The following CHGA variants were observed in gnomAD, a reference collection of about 807,000 sequenced individuals.
The protein encoded by CHGA is chromogranin-A.
In CHGA, 41 loss-of-function variants were observed where a neutral mutation model predicts 54.4. That is an observed-to-expected ratio of 0.75 (90% CI 0.59 to 0.98). CHGA has a LOEUF of 0.98. CHGA is among the 50% of genes least tolerant of loss of function. The pLI is 0.00. For missense variants in CHGA, 576 were observed against 582.3 expected, an observed-to-expected ratio of 0.99 and a Z score of 0.11; for synonymous variants, 249 against 232.8, an observed-to-expected ratio of 1.07 and a Z score of -0.63.
chr14:92,933,020 C>A (rs1177684128), intron 7 of CHGA, 169 bp downstream of exon 7: 1 of 1,025,096 alleles, frequency 9.8e-7, no homozygotes, highest in East Asian at 2.7e-5. Flanking sequence ...AACACCCCAG[C>A]TCACAGGGGG....
intron 2 of CHGA, chr14:92,926,301 T>G (rs1886885109): frequency 5.3e-6 from 2 of 378,876 alleles, no homozygotes; most frequent in Non-Finnish European, 9.7e-6. Context: ...CACTTGGGGA[T>G]GAGAAGGTAC....
intron 7 of CHGA, among the ~76,000 whole-genome samples, chr14:92,934,309 G>A (rs1887072870): frequency 6.6e-6 from 1 of 152,198 alleles, no homozygotes; most frequent in Non-Finnish European, 1.5e-5. Flanking sequence ...TCAAAGCCCA[G>A]CCCTAGGCAG....
At chr14:92,924,169 G>A in intron 1 of CHGA, 30 bp from the exon 2 acceptor site, 5 of 1,607,472 alleles carry the variant, frequency 3.1e-6, no homozygotes, top group Admixed American at 1.7e-5. Flanking sequence ...GAGCAGAGGA[G>A]TGACCCCAGC....
intron 2 of CHGA, among the ~76,000 whole-genome samples, chr14:92,925,175 T>C (rs939468581): frequency 7.2e-5 from 11 of 152,038 alleles, no homozygotes; most frequent in African/African-American, 2.7e-4. Context: ...TGAGGGGAGG[T>C]GTAAAGAGTA....
Position 92,932,149 on chromosome 14 carries a change from C to CT in CHGA, c.809-220dup. 1 of 557,960 alleles carries CT rather than the reference C, an allele frequency of 1.8e-6. No individual in the cohort carries two copies. The highest frequency in any genetic ancestry group is 3.0e-6 in the Non-Finnish European group (1 of 330,748). The allele number at this position is 557,960 out of a possible 1,614,324, so 34.6% of individuals were successfully genotyped here. A position where few individuals can be genotyped will look rare whatever the true frequency, so the allele number is the denominator to read the frequency against. ...TCCTCACTCTCCAGCTGCCGGGCTT[C>CT]TGGGGTGAGGATGAGGGGAAGAGGC... On this transcript the variant is annotated intron_variant, in intron 6 of 7. Transcript: ENST00000216492. The surrounding 1 kb of genome is among the most constrained non-coding windows in gnomAD (Gnocchi z 5.3).
Position 92,932,246 on chromosome 14 carries a change from C to T in CHGA, c.809-124C>T. On this transcript the variant is annotated intron_variant, in intron 6 of 7. Coordinates refer to ENST00000216492, the MANE Select transcript of CHGA (RefSeq NM_001275.4). This position sits in a 1 kb window ranked among gnomAD's most constrained non-coding sequence, Gnocchi z 5.3. ...CCTGGCATCAAGAAGGTTTTTCCCG[C>T]TAAGCGTCATCACTGTGGAGAGGCT... 2 of 1,354,066 alleles carry T rather than the reference C, an allele frequency of 1.5e-6. No individual in the cohort carries two copies. Among genetic ancestry groups the T allele is most frequent in the Non-Finnish European group, 2.0e-6 (2 of 1,021,260 alleles). 83.9% of individuals were successfully genotyped at this position (1,354,066 alleles called of 1,614,324 possible).
At chr14:92,931,784 T>G in intron 6 of CHGA, 82 bp downstream of exon 6, 1 of 1,348,654 alleles carries the variant, frequency 7.4e-7, no homozygotes, top group African/African-American at 1.5e-5. Context: ...ATAACCTCAT[T>G]CCACCTTCAT....
At position 92,926,587 on chromosome 14, in the gene CHGA, C is replaced by G. The variant is rs746809505; in HGVS notation, c.94-18C>G. 6.2e-7 allele frequency: 1 copy of G among 1,612,544 alleles called. No individual in the cohort carries two copies. Among genetic ancestry groups the G allele is most frequent in the Non-Finnish European group, 8.5e-7 (1 of 1,178,828 alleles). On this transcript the variant is annotated intron_variant, in intron 2 of 7. Transcript: ENST00000216492. ...ATGCTCAAACCAGCCCCAACCTGCC[C>G]CTGCACTGTGTTCCCAGGTGATGAA...
intron 5 of CHGA, among the ~76,000 whole-genome samples, chr14:92,930,833 G>A (rs1014752865): frequency 1.3e-5 from 2 of 152,210 alleles, no homozygotes; most frequent in Non-Finnish European, 2.9e-5. Flanking sequence ...AAATATTGCA[G>A]AATTGAGCCC....
At chr14:92,927,953 G>A (rs753753989) in intron 4 of CHGA, among the ~76,000 whole-genome samples, 4 of 152,296 alleles carry the variant, frequency 2.6e-5, no homozygotes, top group Non-Finnish European at 4.4e-5. Context: ...TGATATTCAA[G>A]CCAAGCCTGG....
intron 2 of CHGA, chr14:92,925,972 T>G (rs1417440015): frequency 6.6e-6 from 1 of 152,314 alleles, no homozygotes. Context: ...GGCGTGGCTG[T>G]GGTTGACCTG....
rs1402187287 is a variant in CHGA at position 92,932,476 on chromosome 14, G to A, written c.915G>A (p.Glu305=). ...AGGAGCACTCCCAGCAGAAAGAGGA[G>A]GAGGAGGAGATGGCAGTGGTCCCGC... ...GEQEHSQQKE[E]EEEMAVVPQG... Residue 305 remains glutamate (E), a synonymous_variant, in exon 7 of 8, where the codon GAG becomes GAA. Transcript: ENST00000216492. This position sits in a 1 kb window ranked among gnomAD's most constrained non-coding sequence, Gnocchi z 5.3. The A allele has an allele frequency of 3.9e-6, 6 of 1,556,570 alleles. No individual in the cohort carries two copies. In the South Asian group the frequency reaches 7.1e-5, roughly 18 times the overall value.
intron 4 of CHGA, among the ~76,000 whole-genome samples, chr14:92,929,260 C>T (rs1437839895): frequency 6.6e-6 from 1 of 152,218 alleles, no homozygotes; most frequent in Non-Finnish European, 1.5e-5. Flanking sequence ...CAAGAGCTGT[C>T]ACCATTACTG....
At position 92,934,985 on chromosome 14, in the gene CHGA, G is replaced by T; in HGVS notation, c.*101G>T. On this transcript the variant is annotated 3_prime_UTR_variant, in exon 8 of 8. Transcript: ENST00000216492. ...GATGGCCCGGATGCTGCTTCCGGTAGGGAGGCAGCCTCCAGCCTGCCCAAG... is the reference window on the plus strand; with the variant it reads ...GATGGCCCGGATGCTGCTTCCGGTATGGAGGCAGCCTCCAGCCTGCCCAAG... 9.8e-7 allele frequency: 1 copy of T among 1,022,594 alleles called. No individual in the cohort carries two copies. The highest frequency in any genetic ancestry group is 1.8e-5 in the South Asian group (1 of 55,090). 63.3% of individuals were successfully genotyped at this position (1,022,594 alleles called of 1,614,324 possible).
intron 2 of CHGA, 92 bp from the exon 3 acceptor site, chr14:92,926,513 C>A: frequency 9.7e-7 from 1 of 1,028,088 alleles, no homozygotes; most frequent in East Asian, 2.4e-5. Context: ...AGCAAATACC[C>A]TCTGTCCTCA....
rs556504400 is a variant in CHGA, at chr14:92,927,266, C to T, written c.188-284C>T. On this transcript the variant is annotated intron_variant, in intron 3 of 7. Coordinates refer to ENST00000216492, the MANE Select transcript of CHGA (RefSeq NM_001275.4). ...TGAACACAGGCATGGAGATGGGAAC[C>T]TGTTGTATTTAAAGAGACCCCACTC... Among the ~76,000 whole-genome samples, 7 of 152,284 alleles carry T rather than the reference C, an allele frequency of 4.6e-5. No homozygotes were observed. In the South Asian group the frequency reaches 1.5e-3, roughly 32 times the overall value.
At chr14:92,928,664 A>C (rs1294171656) in intron 4 of CHGA, among the ~76,000 whole-genome samples, 1 of 152,224 alleles carries the variant, frequency 6.6e-6, no homozygotes, top group African/African-American at 2.4e-5. Flanking sequence ...TAAATAATTA[A>C]ATAGACTGTC....
Position 92,923,213 on chromosome 14 carries a change from G to A in CHGA, c.-147G>A, listed in dbSNP as rs1356410829. The A allele has an allele frequency of 3.5e-5, 22 of 632,448 alleles. No individual in the cohort carries two copies. Among genetic ancestry groups the A allele is most frequent in the Non-Finnish European group, 4.4e-5 (20 of 450,946 alleles). 39.2% of individuals were successfully genotyped at this position (632,448 alleles called of 1,614,324 possible). On this transcript the variant is annotated 5_prime_UTR_variant, in exon 1 of 8. Coordinates refer to ENST00000216492, the MANE Select transcript of CHGA (RefSeq NM_001275.4). ...AGGGGAGCTTGCGGGAGGATCGACC[G>A]ACAGACGGACGCACGCCGAGGCACT...
At chr14:92,926,797 C>A in intron 3 of CHGA, 99 bp downstream of exon 3, 1 of 978,912 alleles carries the variant, frequency 1.0e-6, no homozygotes, top group Non-Finnish European at 1.6e-6. Flanking sequence ...TTTAACTCAA[C>A]AGTCACTGAC....
Sources: gnomAD v4.1 joint callset for allele counts (sites outside exome capture counted in the v4.1 genomes callset) on GRCh38, gnomAD v4.1.1 for gene constraint, Gnocchi (gnomAD v3.1) non-coding constraint, MANE v1.5 for transcripts, NCBI Gene and HGNC (gene_info 2026-07-23, HGNC 2026-07-21) for gene names.